The following CACNA1A variants were observed in gnomAD, a reference collection of about 807,000 sequenced individuals.
CACNA1A encodes voltage-dependent P/Q-type calcium channel subunit alpha-1A.
CACNA1A carries 57 observed loss-of-function variants against 262.4 expected under a neutral mutation model. The observed-to-expected ratio is 0.22, with a 90% CI of 0.18 to 0.27. CACNA1A has a LOEUF of 0.27. Among genes scored for constraint, CACNA1A ranks in the 10% least tolerant of loss-of-function variants. The pLI, the probability that CACNA1A is intolerant of heterozygous loss-of-function variation, is 1.00. For missense variants in CACNA1A, 2,526 were observed against 3,562.8 expected (o/e 0.71, Z 7.41); for synonymous variants, 1,431 against 1,419.3 (o/e 1.01, Z -0.18).
intron 10 of CACNA1A, among the ~76,000 whole-genome samples, chr19:13,318,306 C>G (rs1290697421): frequency 6.6e-6 from 1 of 151,948 alleles, no homozygotes; most frequent in Non-Finnish European, 1.5e-5. Context: ...TGTGTCTGCC[C>G]GACATTTTTG....
At chr19:13,401,436 C>G (rs774513888) in intron 3 of CACNA1A, among the ~76,000 whole-genome samples, 1 of 152,138 alleles carries the variant, frequency 6.6e-6, no homozygotes, top group Non-Finnish European at 1.5e-5. Context: ...GTGCCTGATA[C>G]ATAGTTGAGG....
At chr19:13,307,677 C>A in intron 15 of CACNA1A, 105 bp downstream of exon 15, 1 of 865,340 alleles carries the variant, frequency 1.2e-6, no homozygotes, top group Non-Finnish European at 1.9e-6. Flanking sequence ...GTGAAAAGGC[C>A]AGGTAGAGAA....
At chr19:13,253,139 C>A in intron 29 of CACNA1A, 38 bp from the exon 30 acceptor site, 1 of 1,370,470 alleles carries the variant, frequency 7.3e-7, no homozygotes, top group Middle Eastern at 1.8e-4. Context: ...GGTCAGCGAG[C>A]AGGGGTGGGA....
rs1377379150 is a variant in CACNA1A, at chr19:13,285,213, G to A, written c.3554-7C>T. 1 of 1,613,528 alleles carries A rather than the reference G, an allele frequency of 6.2e-7. No homozygotes were observed. The highest frequency in any genetic ancestry group is 2.2e-5 in the East Asian group (1 of 44,870). ...GGGTTGGCGTTTTTGTTCACTGTTG[G>A]GACAAGAACCAACACAGGGCTCCCT... On this transcript the variant is annotated splice_polypyrimidine_tract_variant and splice_region_variant and intron_variant, in intron 20 of 46. Coordinates refer to ENST00000360228, the MANE Select transcript of CACNA1A (RefSeq NM_001127222.2).
chr19:13,213,987 A>G (rs976617342), intron 40 of CACNA1A: 1 of 500,368 alleles, frequency 2.0e-6, no homozygotes, highest in South Asian at 2.3e-5. Context: ...TGCCTGGCTA[A>G]TGTTTTATTT....
intron 1 of CACNA1A, among the ~76,000 whole-genome samples, chr19:13,463,407 C>T (rs373748734): frequency 6.6e-6 from 1 of 152,132 alleles, no homozygotes; most frequent in Non-Finnish European, 1.5e-5. Flanking sequence ...CAAAATGAAG[C>T]CTGGAAAAGA....
At chr19:13,252,892 G>T in intron 30 of CACNA1A, 99 bp downstream of exon 30, 1 of 718,122 alleles carries the variant, frequency 1.4e-6, no homozygotes, top group Non-Finnish European at 2.4e-6. Context: ...CTTGAGGTTG[G>T]GGTTCTTGGG....
rs150428608 is a variant in CACNA1A, at chr19:13,295,992, T to G, written c.3089+2552A>C. On this transcript the variant is annotated intron_variant, in intron 19 of 46. Transcript: ENST00000360228. ...TTGACACTGCTGGCAACTCCCCTCA[T>G]GTGGTTTGAATTGTCCACACAACCC... 1.1e-3 allele frequency among the ~76,000 whole-genome samples: 175 copies of G among 152,324 alleles called. 2 individuals carry two copies. Among genetic ancestry groups the G allele is most frequent in the Admixed American group, 2.0e-3 (31 of 15,296 alleles).
chr19:13,246,152 CCA>C (rs1406039907), intron 30 of CACNA1A, among the ~76,000 whole-genome samples: 1 of 152,230 alleles, frequency 6.6e-6, no homozygotes, highest in Admixed American at 6.5e-5. Context: ...AGCTCTGCTA[CCA>C]CAGCTGTGTG....
At chr19:13,216,214 C>G (rs928543140) in intron 38 of CACNA1A, among the ~76,000 whole-genome samples, 4 of 152,220 alleles carry the variant, frequency 2.6e-5, no homozygotes, top group African/African-American at 9.6e-5. Context: ...TTTCCTGGCC[C>G]TCCTACCTGA....
intron 28 of CACNA1A, chr19:13,256,148 C>T (rs1435356077): frequency 6.6e-6 from 1 of 151,926 alleles, no homozygotes; most frequent in Non-Finnish European, 1.5e-5. Context: ...CACCACCACA[C>T]CCAGCTAATT....
chr19:13,252,927 G>A (rs2056441012), intron 30 of CACNA1A, 64 bp downstream of exon 30: 3 of 1,107,270 alleles, frequency 2.7e-6, no homozygotes, highest in Non-Finnish European at 4.1e-6. Context: ...CCATCATCCA[G>A]GACCCATTGT....
chr19:13,304,701 T>A (rs2057863553), intron 15 of CACNA1A, among the ~76,000 whole-genome samples: 1 of 144,542 alleles, frequency 6.9e-6, no homozygotes, highest in Non-Finnish European at 1.5e-5. Context: ...ACATCACAAC[T>A]CTCTCTCTCT....
intron 1 of CACNA1A, among the ~76,000 whole-genome samples, chr19:13,466,738 T>C (rs2061249877): frequency 6.6e-6 from 1 of 152,074 alleles, no homozygotes; most frequent in Non-Finnish European, 1.5e-5. Context: ...CGCATCCTTG[T>C]GCACTTGTGA....
At chr19:13,434,977 A>G (rs1043068862) in intron 3 of CACNA1A, among the ~76,000 whole-genome samples, 1 of 151,838 alleles carries the variant, frequency 6.6e-6, no homozygotes, top group African/African-American at 2.4e-5. Context: ...TTTAGTAGAG[A>G]CAGGATTTCA....
intron 10 of CACNA1A, among the ~76,000 whole-genome samples, chr19:13,327,935 G>C (rs1226779553): frequency 6.6e-6 from 1 of 152,124 alleles, no homozygotes; most frequent in African/African-American, 2.4e-5. Context: ...TTCTCACTCT[G>C]TTGCCCACGT....
rs10414337 is a variant in CACNA1A, at chr19:13,283,645, C to T, written c.3693-249G>A. 4,751 of 414,308 alleles carry T rather than the reference C, an allele frequency of 0.011. 203 individuals carry two copies. The highest frequency in any genetic ancestry group is 0.085 in the African/African-American group (4,266 of 50,168). The allele number at this position is 414,308 out of a possible 1,614,324, so 25.7% of individuals were successfully genotyped here. A position where few individuals can be genotyped will look rare whatever the true frequency, so the allele number is the denominator to read the frequency against. ...TAGCAAAGTTCCTATCACTCCCAAA[C>T]GACCCTCTTGAAGTATCTTGATCCC... On this transcript the variant is annotated intron_variant, in intron 21 of 46. Transcript: ENST00000360228.
chr19:13,328,983 A>G (rs974347793), intron 10 of CACNA1A, among the ~76,000 whole-genome samples: 13 of 151,846 alleles, frequency 8.6e-5, no homozygotes, highest in Admixed American at 7.2e-4. Context: ...CAGTTTCCCA[A>G]GCAGCCTAAA....
At chr19:13,330,373 C>A in intron 9 of CACNA1A, 40 bp from the exon 10 acceptor site, 1 of 1,449,610 alleles carries the variant, frequency 6.9e-7, no homozygotes, top group South Asian at 1.2e-5. Flanking sequence ...AAGACGTTAC[C>A]CTTTTTGCAA....
Sources: gnomAD v4.1 joint callset for allele counts (sites outside exome capture counted in the v4.1 genomes callset) on GRCh38, gnomAD v4.1.1 for gene constraint, MANE v1.5 for transcripts, NCBI Gene and HGNC (gene_info 2026-07-23, HGNC 2026-07-21) for gene names.